The following VWA3B variants were observed in gnomAD, a reference collection of about 807,000 sequenced individuals.
VWA3B encodes von Willebrand factor A domain-containing protein 3B.
VWA3B carries 138 observed loss-of-function variants against 158.3 expected under a neutral mutation model. The observed-to-expected ratio is 0.87, with a 90% confidence interval of 0.76 to 1.00. VWA3B has a LOEUF of 1.00. VWA3B is among the 50% of genes least tolerant of loss of function. The pLI, the probability that VWA3B is intolerant of heterozygous loss-of-function variation, is 0.00. For missense variants in VWA3B, 1,555 were observed against 1,565.1 expected, an observed-to-expected ratio of 0.99 and a Z score of 0.11; for synonymous variants, 596 against 587.3, an observed-to-expected ratio of 1.01 and a Z score of -0.21.
At chr2:98,134,930 G>A (rs1055994060) in intron 7 of VWA3B, among the ~76,000 whole-genome samples, 10 of 151,868 alleles carry the variant, frequency 6.6e-5, no homozygotes, top group African/African-American at 2.2e-4. Context: ...GAGGGGAGAT[G>A]TTCCCATAGA....
In VWA3B at chr2:98,284,529, C is replaced by CTT. The variant is rs1216127193; in HGVS notation, c.3046-5981_3046-5980dup. Among the ~76,000 whole-genome samples, 6 of 152,152 alleles carry CTT rather than the reference C, an allele frequency of 3.9e-5. No individual in the cohort carries two copies. The South Asian group carries it at 8.3e-4, about 21-fold the overall frequency. On this transcript the variant is annotated intron_variant, in intron 22 of 27. Transcript: ENST00000477737. The stretch of plus-strand genomic sequence containing the variant: ...AACTGCCTCATAAATTAGAGACTTT[C>CTT]TTAAGAGGAGGCCTGCAAATGAACT...
At chr2:98,156,188 G>A (rs190902835) in intron 7 of VWA3B, among the ~76,000 whole-genome samples, 125 of 152,276 alleles carry the variant, frequency 8.2e-4, no homozygotes, top group Non-Finnish European at 8.2e-4. Context: ...TCCAGTGTCC[G>A]GATATAATCG....
intron 16 of VWA3B, among the ~76,000 whole-genome samples, chr2:98,233,259 T>A (rs892734805): frequency 1.3e-5 from 2 of 152,156 alleles, no homozygotes; most frequent in Non-Finnish European, 2.9e-5. Flanking sequence ...TTTGTTTCCA[T>A]TGGTGATGTA....
chr2:98,118,344 G>A (rs1674691409), intron 3 of VWA3B, among the ~76,000 whole-genome samples: 1 of 152,122 alleles, frequency 6.6e-6, no homozygotes. Context: ...CAGACACATG[G>A]GACAGGGAAG....
chr2:98,280,658 CTG>C (rs1688821921), intron 22 of VWA3B, among the ~76,000 whole-genome samples: 1 of 152,218 alleles, frequency 6.6e-6, no homozygotes, highest in Non-Finnish European at 1.5e-5. Flanking sequence ...GAGGTGGAAA[CTG>C]CACTGGGGTT....
chr2:98,312,470 C>CTG lies in VWA3B; in HGVS notation c.*122_*123dup. 8.1e-7 allele frequency: 1 copy of CTG among 1,227,608 alleles called. No homozygotes were observed. Among genetic ancestry groups the CTG allele is most frequent in the Non-Finnish European group, 1.1e-6 (1 of 904,446 alleles). The allele number at this position is 1,227,608 out of a possible 1,614,324, so 76.0% of individuals were successfully genotyped here. Reference sequence around the variant, plus strand: ...AGGCCGCCCTCCGCGCCGCCTATGCCTGCCCTGTCTGTAGCAAAGACTCCT... The same window carrying CTG: ...AGGCCGCCCTCCGCGCCGCCTATGCCTGTGCCCTGTCTGTAGCAAAGACTCCT... On this transcript the variant is annotated 3_prime_UTR_variant, in exon 28 of 28. Transcript: ENST00000477737.
At chr2:98,270,117 C>G (rs1352762397) in intron 21 of VWA3B, among the ~76,000 whole-genome samples, 3 of 151,662 alleles carry the variant, frequency 2.0e-5, no homozygotes, top group African/African-American at 4.9e-5. Flanking sequence ...TGCTTATCAG[C>G]CATAGAAAGT....
At chr2:98,120,682 A>G (rs1020411168) in intron 4 of VWA3B, among the ~76,000 whole-genome samples, 3 of 152,248 alleles carry the variant, frequency 2.0e-5, no homozygotes, top group African/African-American at 7.2e-5. Context: ...ATAAATTGAG[A>G]TAATTCAAAT....
chr2:98,218,103 C>T, intron 14 of VWA3B, 75 bp downstream of exon 14: 4 of 1,450,878 alleles, frequency 2.8e-6, no homozygotes. Context: ...TGGGTAATAC[C>T]TTCGTTGGGA....
intron 10 of VWA3B, among the ~76,000 whole-genome samples, chr2:98,189,640 AGTT>A (rs1218673022): frequency 2.0e-5 from 3 of 152,070 alleles, no homozygotes; most frequent in Non-Finnish European, 4.4e-5. Flanking sequence ...GATTTTCTCT[AGTT>A]GTTCTATAAA....
At chr2:98,205,289 T>A (rs962186273) in intron 12 of VWA3B, among the ~76,000 whole-genome samples, 1 of 152,222 alleles carries the variant, frequency 6.6e-6, no homozygotes, top group Non-Finnish European at 1.5e-5. Flanking sequence ...GTGTTCATTT[T>A]TTTCTAAACT....
chr2:98,133,715 A>G, intron 6 of VWA3B, 109 bp from the exon 7 acceptor site: 1 of 839,156 alleles, frequency 1.2e-6, no homozygotes, highest in South Asian at 1.6e-5. Flanking sequence ...GGCTAAGAAG[A>G]TGAAGATGCC....
At chr2:98,152,658 G>C (rs567052333) in intron 7 of VWA3B, among the ~76,000 whole-genome samples, 1 of 152,348 alleles carries the variant, frequency 6.6e-6, no homozygotes, top group South Asian at 2.1e-4. Context: ...AATTACATTA[G>C]AGTAAACATC....
At chr2:98,249,645 A>T (rs994573553) in intron 19 of VWA3B, among the ~76,000 whole-genome samples, 9 of 152,108 alleles carry the variant, frequency 5.9e-5, no homozygotes, top group Non-Finnish European at 1.0e-4. Flanking sequence ...GAAATCAAAG[A>T]TATCCCAAAA....
intron 19 of VWA3B, among the ~76,000 whole-genome samples, chr2:98,239,796 C>T (rs975642578): frequency 4.0e-5 from 6 of 151,040 alleles, no homozygotes; most frequent in African/African-American, 7.4e-5. Flanking sequence ...TGCCTGTAGT[C>T]GCAGCTACTC....
At chr2:98,092,983 T>C in intron 1 of VWA3B, 78 bp from the exon 2 acceptor site, 1 of 990,680 alleles carries the variant, frequency 1.0e-6, no homozygotes, top group South Asian at 1.8e-5. Flanking sequence ...TACTATAATT[T>C]ATGTTAAGCC....
At chr2:98,176,334 A>C (rs1680014598) in intron 8 of VWA3B, among the ~76,000 whole-genome samples, 1 of 109,052 alleles carries the variant, frequency 9.2e-6, no homozygotes, top group African/African-American at 3.7e-5. Flanking sequence ...TCCCTCCCTC[A>C]TCATCACCAC....
intron 23 of VWA3B, among the ~76,000 whole-genome samples, chr2:98,297,527 C>CTT (rs1689880603): frequency 6.6e-6 from 1 of 152,066 alleles, no homozygotes; most frequent in South Asian, 2.1e-4. Flanking sequence ...TATTTTCTAT[C>CTT]TTTAAGTATT....
chr2:98,222,100 G>A (rs1424460956), intron 14 of VWA3B, among the ~76,000 whole-genome samples: 1 of 152,052 alleles, frequency 6.6e-6, no homozygotes, highest in Non-Finnish European at 1.5e-5. Flanking sequence ...CATAATGTCA[G>A]CAGGGCCCAG....
Sources: gnomAD v4.1 joint callset for allele counts (sites outside exome capture counted in the v4.1 genomes callset) on GRCh38, gnomAD v4.1.1 for gene constraint, MANE v1.5 for transcripts, NCBI Gene and HGNC (gene_info 2026-07-23, HGNC 2026-07-21) for gene names.